The following PDE4D variants were observed in gnomAD, a reference collection of about 807,000 sequenced individuals.
The protein encoded by PDE4D is 3',5'-cyclic-AMP phosphodiesterase 4D.
In PDE4D, 24 loss-of-function variants were observed where a neutral mutation model predicts 87.4. The observed-to-expected ratio is 0.27, with a 90% CI of 0.20 to 0.39. The LOEUF is 0.39. Ranked by LOEUF, PDE4D falls within the 10% of genes least tolerant of loss-of-function variation. The pLI is 1.00. For synonymous variants in PDE4D, 384 were observed against 383.2 expected (o/e 1.00, Z -0.02); for missense variants, 714 against 1,041.0 (o/e 0.69, Z 4.32).
chr5:59,295,816 G>T (rs921279285), intron 1 of PDE4D, among the ~76,000 whole-genome samples: 2 of 150,590 alleles, frequency 1.3e-5, no homozygotes, highest in Admixed American at 6.6e-5. Context: ...TGGTGTTAGG[G>T]AGTGAAGTAG....
chr5:59,956,644 T>G (rs1758868865), intron 3 of PDE4D, among the ~76,000 whole-genome samples: 1 of 152,170 alleles, frequency 6.6e-6, no homozygotes, highest in African/African-American at 2.4e-5. Flanking sequence ...CTTTCAGAAT[T>G]AAATGAACAC....
intron 1 of PDE4D, among the ~76,000 whole-genome samples, chr5:60,371,781 G>A (rs1056368077): frequency 9.9e-5 from 15 of 152,086 alleles, no homozygotes; most frequent in Non-Finnish European, 1.9e-4. Flanking sequence ...TTTGTATCTG[G>A]ATGCTTTGAT....
At chr5:59,738,411 T>C (rs549972030) in intron 1 of PDE4D, among the ~76,000 whole-genome samples, 133 of 152,220 alleles carry the variant, frequency 8.7e-4, no homozygotes, top group African/African-American at 3.0e-3. Flanking sequence ...ATAATAAATA[T>C]CTTAGTAAAA....
At chr5:60,017,676 T>A (rs1765656084) in intron 2 of PDE4D, among the ~76,000 whole-genome samples, 1 of 152,246 alleles carries the variant, frequency 6.6e-6, no homozygotes, top group African/African-American at 2.4e-5. Flanking sequence ...TGTACCATAT[T>A]TTCTTTATGC....
chr5:59,014,839 A>T (rs1329014466), intron 6 of PDE4D, among the ~76,000 whole-genome samples: 2 of 152,204 alleles, frequency 1.3e-5, no homozygotes, highest in East Asian at 3.8e-4. Context: ...AAAAGAACAA[A>T]GCTGGAGGCA....
intron 1 of PDE4D, among the ~76,000 whole-genome samples, chr5:59,375,250 T>C (rs1172113177): frequency 6.6e-6 from 1 of 152,004 alleles, no homozygotes; most frequent in African/African-American, 2.4e-5. Flanking sequence ...CCAGGAGTTG[T>C]TCTTTTTTTG....
chr5:60,223,590 T>C (rs567176693), intron 1 of PDE4D, among the ~76,000 whole-genome samples: 70 of 152,202 alleles, frequency 4.6e-4, no homozygotes, highest in Admixed American at 1.1e-3. Flanking sequence ...CCTCCTAGCA[T>C]GAGTACATAC....
At chr5:59,723,430 G>A (rs1486554190) in intron 1 of PDE4D, among the ~76,000 whole-genome samples, 1 of 152,154 alleles carries the variant, frequency 6.6e-6, no homozygotes, top group Non-Finnish European at 1.5e-5. Flanking sequence ...GCCTAGAACA[G>A]AGTAAATGCT....
chr5:59,290,220 G>A lies in PDE4D; in HGVS notation c.456-74252C>T, dbSNP rs866593065. Reference sequence around the variant, plus strand: ...GACTCAAAATAGCCAAAGGTATCCCGAGCAAAAAGAACAAAACTGGAATAC... The same window carrying A: ...GACTCAAAATAGCCAAAGGTATCCCAAGCAAAAAGAACAAAACTGGAATAC... On this transcript the variant is annotated intron_variant, in intron 1 of 14. Coordinates refer to ENST00000340635, the MANE Select transcript of PDE4D (RefSeq NM_001104631.2). 4.4e-4 allele frequency among the ~76,000 whole-genome samples: 67 copies of A among 151,716 alleles called. 1 individual carries two copies. The highest frequency in any genetic ancestry group is 3.4e-3 in the Middle Eastern group (1 of 294).
At chr5:60,483,591 T>G (rs1748899053) in intron 1 of PDE4D, among the ~76,000 whole-genome samples, 1 of 152,064 alleles carries the variant, frequency 6.6e-6, no homozygotes, top group African/African-American at 2.4e-5. Flanking sequence ...AAATTCCTAT[T>G]GAGAAGTTAA....
At chr5:59,217,123 C>G (rs1397933272) in intron 1 of PDE4D, 2 of 445,208 alleles carry the variant, frequency 4.5e-6, no homozygotes, top group African/African-American at 4.1e-5. Flanking sequence ...TCCTTATAAT[C>G]TAGATAAACT....
At chr5:59,721,097 G>A (rs1755760896) in intron 1 of PDE4D, among the ~76,000 whole-genome samples, 1 of 152,086 alleles carries the variant, frequency 6.6e-6, no homozygotes, top group South Asian at 2.1e-4. Context: ...TCAGATTTAT[G>A]TTTTAAACTA....
chr5:59,566,533 C>CGTGT (rs1561221090), intron 1 of PDE4D, among the ~76,000 whole-genome samples: 73 of 102,740 alleles, frequency 7.1e-4, no homozygotes, highest in African/African-American at 2.5e-3. Context: ...GTCACAGTTT[C>CGTGT]ATGTGTGTGT....
intron 1 of PDE4D, among the ~76,000 whole-genome samples, chr5:59,526,801 T>A (rs945729754): frequency 6.6e-6 from 1 of 152,070 alleles, no homozygotes; most frequent in African/African-American, 2.4e-5. Flanking sequence ...TTTTTTTGTA[T>A]TTTTTGTACA....
At chr5:59,719,864 TATTCCAAA>T (rs1201254683) in intron 1 of PDE4D, among the ~76,000 whole-genome samples, 2 of 152,200 alleles carry the variant, frequency 1.3e-5, no homozygotes, top group Non-Finnish European at 2.9e-5. Context: ...TTCATTCTCC[TATTCCAAA>T]ATTCCAAAAT....
At chr5:59,757,837 T>C (rs1206920452) in intron 1 of PDE4D, among the ~76,000 whole-genome samples, 1 of 152,158 alleles carries the variant, frequency 6.6e-6, no homozygotes, top group Non-Finnish European at 1.5e-5. Flanking sequence ...AATCAAATGT[T>C]CTCCATTGAC....
chr5:59,853,867 A>G (rs1383169249), intron 1 of PDE4D, among the ~76,000 whole-genome samples: 1 of 152,008 alleles, frequency 6.6e-6, no homozygotes, highest in South Asian at 2.1e-4. Context: ...TTCAATAAAA[A>G]TATTGTTTAC....
chr5:59,764,807 C>T (rs760106576), intron 1 of PDE4D, among the ~76,000 whole-genome samples: 1 of 151,944 alleles, frequency 6.6e-6, no homozygotes, highest in East Asian at 1.9e-4. Context: ...AGGCACACAT[C>T]ACCATGCCTG....
intron 1 of PDE4D, among the ~76,000 whole-genome samples, chr5:60,257,166 A>C (rs1054523890): frequency 1.3e-5 from 2 of 151,534 alleles, no homozygotes; most frequent in Admixed American, 6.6e-5. Context: ...ATAAGAAGTT[A>C]TTATAGAGTC....
Sources: allele counts gnomAD v4.1 joint callset (sites outside exome capture counted in the v4.1 genomes callset), GRCh38; gene constraint gnomAD v4.1.1; transcripts MANE v1.5; gene names NCBI Gene and HGNC (gene_info 2026-07-23, HGNC 2026-07-21).